The following GNAQ variants were observed in gnomAD, a reference collection of about 807,000 sequenced individuals.
GNAQ encodes G protein subunit alpha q.
In GNAQ, 8 loss-of-function variants were observed where a neutral mutation model predicts 43.9. The observed-to-expected ratio is 0.18, with a 90% CI of 0.11 to 0.33. GNAQ has a LOEUF of 0.33. GNAQ is among the 10% of genes least tolerant of loss of function. GNAQ has a pLI of 1.00. For missense variants in GNAQ, 158 were observed against 450.8 expected, an observed-to-expected ratio of 0.35 and a Z score of 5.88; for synonymous variants, 155 against 170.7, an observed-to-expected ratio of 0.91 and a Z score of 0.71.
chr9:77,991,050 A>T (rs1211345495), intron 1 of GNAQ, among the ~76,000 whole-genome samples: 2 of 152,244 alleles, frequency 1.3e-5, no homozygotes, highest in African/African-American at 4.8e-5. Flanking sequence ...CAACTAGAGA[A>T]ATTGCTTTCA....
chr9:78,011,094 G>C (rs1057009751), intron 1 of GNAQ, among the ~76,000 whole-genome samples: 2 of 152,110 alleles, frequency 1.3e-5, no homozygotes, highest in South Asian at 4.1e-4. Flanking sequence ...AAACAGCAAG[G>C]CTCCATTCTG....
intron 2 of GNAQ, among the ~76,000 whole-genome samples, chr9:77,856,473 T>C (rs1400043920): frequency 7.9e-5 from 12 of 152,210 alleles, no homozygotes; most frequent in African/African-American, 2.9e-4. Context: ...CTGGGGAAAC[T>C]AGGACTTTCT....
At chr9:77,762,908 G>A (rs1294905582) in intron 5 of GNAQ, among the ~76,000 whole-genome samples, 14 of 151,354 alleles carry the variant, frequency 9.2e-5, no homozygotes, top group African/African-American at 2.7e-4. Flanking sequence ...CAGCATGCTC[G>A]TTAAGAGTCA....
intron 1 of GNAQ, among the ~76,000 whole-genome samples, chr9:77,923,244 C>CT (rs1419017245): frequency 2.0e-5 from 3 of 152,180 alleles, no homozygotes; most frequent in Non-Finnish European, 4.4e-5. Flanking sequence ...GGTTGGTTGA[C>CT]TGAGTTATTC....
intron 5 of GNAQ, among the ~76,000 whole-genome samples, chr9:77,789,777 T>C (rs1826538765): frequency 6.6e-6 from 1 of 152,210 alleles, no homozygotes. Context: ...GTAAATTCTT[T>C]AAAACCTTTC....
chr9:77,986,309 T>A (rs968919707), intron 1 of GNAQ, among the ~76,000 whole-genome samples: 1 of 152,166 alleles, frequency 6.6e-6, no homozygotes, highest in African/African-American at 2.4e-5. Context: ...AGCTTCACAG[T>A]ATTGTGCACC....
chr9:77,882,036 G>A (rs1828217044), intron 2 of GNAQ, among the ~76,000 whole-genome samples: 1 of 152,154 alleles, frequency 6.6e-6, no homozygotes, highest in Non-Finnish European at 1.5e-5. Flanking sequence ...TACTTGAGAG[G>A]CTGCGGCAGG....
chr9:78,013,323 T>A (rs918563464), intron 1 of GNAQ, among the ~76,000 whole-genome samples: 67 of 152,168 alleles, frequency 4.4e-4, no homozygotes, highest in South Asian at 1.0e-3. Context: ...TTTTTTTTTT[T>A]TTATTATACT....
At chr9:77,920,153 T>C (rs531792533) in intron 2 of GNAQ, among the ~76,000 whole-genome samples, 1 of 151,770 alleles carries the variant, frequency 6.6e-6, no homozygotes, top group Non-Finnish European at 1.5e-5. Flanking sequence ...AAAAAAAGAA[T>C]TGACATGAAA....
intron 5 of GNAQ, among the ~76,000 whole-genome samples, chr9:77,763,141 C>CAAAA (rs34812363): frequency 0.031 from 1,994 of 64,592 alleles, 49 homozygotes; most frequent in African/African-American, 0.063. Flanking sequence ...AACAAACAAA[C>CAAAA]AAAAAAAAAA....
intron 2 of GNAQ, among the ~76,000 whole-genome samples, chr9:77,820,878 G>A (rs895801547): frequency 6.6e-6 from 1 of 152,170 alleles, no homozygotes; most frequent in African/African-American, 2.4e-5. Context: ...TTGTAGGGCT[G>A]TTAGGAAAAG....
rs1043332687 is a variant in GNAQ at position 78,004,860 on chromosome 9, A to G, written c.136+26240T>C. On this transcript the variant is annotated intron_variant, in intron 1 of 6. Coordinates refer to ENST00000286548, the MANE Select transcript of GNAQ (RefSeq NM_002072.5). ...GAGAGAAGAGAGGAAAGCAACAAAT[A>G]TCTGAGGAGGGGAAGGAAAAGGGTT... is the stretch of plus-strand genomic sequence containing the variant. 4.6e-5 allele frequency among the ~76,000 whole-genome samples: 7 copies of G among 152,082 alleles called. No homozygotes were observed. In the South Asian group the frequency reaches 1.5e-3, roughly 32 times the overall value.
intron 5 of GNAQ, among the ~76,000 whole-genome samples, chr9:77,745,202 G>A (rs1398913622): frequency 2.6e-5 from 4 of 152,164 alleles, no homozygotes; most frequent in Non-Finnish European, 1.5e-5. Flanking sequence ...AGGCAGGACA[G>A]ATGGGAGAAA....
intron 1 of GNAQ, among the ~76,000 whole-genome samples, chr9:78,005,519 T>C (rs1415712603): frequency 6.6e-6 from 1 of 152,226 alleles, no homozygotes; most frequent in African/African-American, 2.4e-5. Flanking sequence ...CTGAGCGTTC[T>C]ATGTGTGCAT....
intron 5 of GNAQ, among the ~76,000 whole-genome samples, chr9:77,767,666 A>C (rs536067937): frequency 6.6e-6 from 1 of 152,340 alleles, no homozygotes; most frequent in South Asian, 2.1e-4. Flanking sequence ...CCTGAAGAAA[A>C]GCCTCTTGTA....
chr9:77,755,175 A>G (rs1207201109), intron 5 of GNAQ, among the ~76,000 whole-genome samples: 1 of 152,242 alleles, frequency 6.6e-6, no homozygotes, highest in African/African-American at 2.4e-5. Context: ...TAAGAGCTAA[A>G]AATTGAAACA....
At chr9:77,963,105 A>G (rs1823125770) in intron 1 of GNAQ, among the ~76,000 whole-genome samples, 1 of 152,130 alleles carries the variant, frequency 6.6e-6, no homozygotes, top group South Asian at 2.1e-4. Context: ...GTAAGAACAA[A>G]TGCCAAATTT....
intron 5 of GNAQ, among the ~76,000 whole-genome samples, chr9:77,757,998 G>A (rs1446184317): frequency 1.3e-5 from 2 of 152,188 alleles, no homozygotes; most frequent in Non-Finnish European, 2.9e-5. Flanking sequence ...AGGTACATCA[G>A]TCATCCCAAC....
At chr9:77,879,550 G>A (rs760193687) in intron 2 of GNAQ, among the ~76,000 whole-genome samples, 4 of 152,262 alleles carry the variant, frequency 2.6e-5, no homozygotes, top group African/African-American at 7.2e-5. Context: ...ACGCCCAGCC[G>A]ATGCTGGATT....
Sources: gnomAD v4.1 joint callset for allele counts (sites outside exome capture counted in the v4.1 genomes callset) on GRCh38, gnomAD v4.1.1 for gene constraint, MANE v1.5 for transcripts, NCBI Gene and HGNC (gene_info 2026-07-23, HGNC 2026-07-21) for gene names.